RALYL: variants seen among roughly 807,000 people sequenced by gnomAD.
The protein encoded by RALYL is RNA-binding Raly-like protein.
Under a neutral mutation model 35.1 loss-of-function variants are expected in RALYL, and 29 were observed. The observed-to-expected ratio is 0.83, with a 90% confidence interval of 0.61 to 1.13. RALYL has a LOEUF of 1.13. Among genes scored for constraint, RALYL ranks in the 50% most tolerant of loss-of-function variants. The probability of loss-of-function intolerance (pLI) is 0.00; values close to 1 mark genes in which losing one functional copy is unlikely to be tolerated. For synonymous variants in RALYL, 120 were observed against 127.6 expected, an observed-to-expected ratio of 0.94 and a Z score of 0.40; for missense variants, 359 against 360.4, an observed-to-expected ratio of 1.00 and a Z score of 0.03.
chr8:84,403,753 G>A (rs1013079405), intron 1 of RALYL, among the ~76,000 whole-genome samples: 4 of 151,654 alleles, frequency 2.6e-5, no homozygotes, highest in South Asian at 2.1e-4. Flanking sequence ...GAATATCATT[G>A]AATCTATGAA....
At chr8:84,449,203 AT>A (rs1472663682) in intron 1 of RALYL, among the ~76,000 whole-genome samples, 1 of 148,986 alleles carries the variant, frequency 6.7e-6, no homozygotes, top group East Asian at 2.0e-4. Flanking sequence ...CATTTCTTTT[AT>A]TTTTTTCTTT....
chr8:84,388,264 C>G (rs1859716304), intron 1 of RALYL, among the ~76,000 whole-genome samples: 1 of 152,024 alleles, frequency 6.6e-6, no homozygotes, highest in African/African-American at 2.4e-5. Flanking sequence ...TGGGTTGGTT[C>G]CAAGTCTTTG....
At chr8:84,554,938 G>A (rs991165782) in intron 2 of RALYL, among the ~76,000 whole-genome samples, 8 of 151,988 alleles carry the variant, frequency 5.3e-5, no homozygotes, top group African/African-American at 1.5e-4. Flanking sequence ...GGATAATTTT[G>A]AGTCATAACT....
intron 2 of RALYL, among the ~76,000 whole-genome samples, chr8:84,707,232 A>C (rs1052927086): frequency 1.3e-5 from 2 of 152,180 alleles, no homozygotes; most frequent in African/African-American, 4.8e-5. Flanking sequence ...TTTTGATGCC[A>C]GTTCTTTCTT....
chr8:84,199,050 GT>G (rs1412438892), intron 1 of RALYL, among the ~76,000 whole-genome samples: 2 of 151,978 alleles, frequency 1.3e-5, no homozygotes, highest in Non-Finnish European at 2.9e-5. Context: ...TTTGTTTTTA[GT>G]TTTTTTGAGG....
intron 2 of RALYL, among the ~76,000 whole-genome samples, chr8:84,578,211 G>A (rs1048528076): frequency 3.8e-4 from 58 of 152,368 alleles, no homozygotes; most frequent in Middle Eastern, 3.4e-3. Flanking sequence ...TGCTAGCACA[G>A]GCACTGAGTG....
At chr8:84,829,285 TATG>T (rs748702446) in intron 4 of RALYL, 2 of 152,262 alleles carry the variant, frequency 1.3e-5, no homozygotes, top group South Asian at 4.1e-4. Flanking sequence ...ATGCAGGGAT[TATG>T]GGAGCTACAA....
At chr8:84,212,999 C>G (rs1006404983) in intron 1 of RALYL, among the ~76,000 whole-genome samples, 2 of 152,126 alleles carry the variant, frequency 1.3e-5, no homozygotes, top group South Asian at 2.1e-4. Flanking sequence ...TTCTTTATAA[C>G]ATGCCTAATG....
chr8:84,915,389 C>T (rs916852309), intron 8 of RALYL, among the ~76,000 whole-genome samples: 2 of 152,036 alleles, frequency 1.3e-5, no homozygotes, highest in African/African-American at 4.8e-5. Flanking sequence ...GAATTTATAG[C>T]TCAAAACCCC....
intron 2 of RALYL, among the ~76,000 whole-genome samples, chr8:84,743,444 A>T (rs927522536): frequency 3.9e-5 from 6 of 152,000 alleles, no homozygotes; most frequent in African/African-American, 1.4e-4. Flanking sequence ...CCAACAAAAA[A>T]AAAAAGTGTC....
intron 2 of RALYL, among the ~76,000 whole-genome samples, chr8:84,763,520 C>T (rs1813180307): frequency 1.3e-5 from 2 of 152,116 alleles, no homozygotes; most frequent in South Asian, 2.1e-4. Flanking sequence ...CCGTTGATGT[C>T]AATAATCACT....
chr8:84,826,154 G>A (rs888760652), intron 4 of RALYL, among the ~76,000 whole-genome samples: 7 of 151,968 alleles, frequency 4.6e-5, no homozygotes, highest in Middle Eastern at 3.2e-3. Flanking sequence ...ACTACTAGAG[G>A]GGGAAAGGGA....
intron 2 of RALYL, among the ~76,000 whole-genome samples, chr8:84,663,440 A>G (rs1271553156): frequency 6.6e-6 from 1 of 152,018 alleles, no homozygotes; most frequent in East Asian, 1.9e-4. Context: ...TTACACTCCC[A>G]CCAACAAAAG....
At chr8:84,371,539 TCACACACACACACA>T (rs5892914) in intron 1 of RALYL, among the ~76,000 whole-genome samples, 4 of 144,072 alleles carry the variant, frequency 2.8e-5, no homozygotes, top group Non-Finnish European at 6.1e-5. Flanking sequence ...TTTATGATTA[TCACACACACACACA>T]CACACACACA....
intron 1 of RALYL, among the ~76,000 whole-genome samples, chr8:84,411,259 T>C (rs972211760): frequency 6.6e-6 from 1 of 151,914 alleles, no homozygotes; most frequent in Non-Finnish European, 1.5e-5. Context: ...CTGGACAAAA[T>C]AATAACATCT....
At chr8:84,739,980 T>C (rs1693890604) in intron 2 of RALYL, among the ~76,000 whole-genome samples, 1 of 151,714 alleles carries the variant, frequency 6.6e-6, no homozygotes, top group South Asian at 2.1e-4. Context: ...GCTTTAGCAA[T>C]AACAAAGAAT....
chr8:84,519,443 C>T (rs13269377), intron 1 of RALYL, among the ~76,000 whole-genome samples: 54,757 of 152,012 alleles, frequency 0.36, 10,052 homozygotes, highest in South Asian at 0.51. Flanking sequence ...TCATTGTAGA[C>T]TCCTTGGGTT....
intron 1 of RALYL, among the ~76,000 whole-genome samples, chr8:84,190,941 G>A (rs1029926860): frequency 3.9e-5 from 6 of 151,974 alleles, no homozygotes; most frequent in African/African-American, 1.4e-4. Context: ...GATAGCCACT[G>A]AAGCTCAGAA....
intron 2 of RALYL, among the ~76,000 whole-genome samples, chr8:84,605,825 T>C (rs1817005953): frequency 6.6e-6 from 1 of 152,114 alleles, no homozygotes. Flanking sequence ...CCCCGGATTC[T>C]GACCTCCTCT....
Sources: gnomAD v4.1 joint callset for allele counts (sites outside exome capture counted in the v4.1 genomes callset) on GRCh38, gnomAD v4.1.1 for gene constraint, MANE v1.5 for transcripts, NCBI Gene and HGNC (gene_info 2026-07-23, HGNC 2026-07-21) for gene names.